The following NEXN variants were observed in gnomAD, a reference collection of about 807,000 sequenced individuals.
NEXN encodes the protein nexilin.
NEXN carries 65 observed loss-of-function variants against 92.6 expected under a neutral mutation model. That is an observed-to-expected ratio of 0.70 (90% confidence interval 0.57 to 0.86). NEXN has a LOEUF of 0.86. Ranked by LOEUF, NEXN falls within the 40% of genes least tolerant of loss-of-function variation. NEXN has a pLI of 0.00. For synonymous variants in NEXN, 254 were observed against 242.5 expected, an observed-to-expected ratio of 1.05 and a Z score of -0.44; for missense variants, 778 against 771.1, an observed-to-expected ratio of 1.01 and a Z score of -0.11.
chr1:77,911,576 G>A (rs187604475), intron 1 of NEXN, among the ~76,000 whole-genome samples: 2 of 150,942 alleles, frequency 1.3e-5, no homozygotes, highest in African/African-American at 2.4e-5. Context: ...TGGGCGACAA[G>A]AGCAAGACTC....
intron 11 of NEXN, among the ~76,000 whole-genome samples, chr1:77,938,064 G>C (rs1205185738): frequency 2.0e-5 from 3 of 152,062 alleles, no homozygotes; most frequent in African/African-American, 7.2e-5. Context: ...ATAGTGACAG[G>C]GTATACAGTA....
chr1:77,931,910 G>A (rs79902353), intron 9 of NEXN: 1 of 152,150 alleles, frequency 6.6e-6, no homozygotes. Context: ...AGAGGGTTAT[G>A]TTATACCGCG....
At chr1:77,941,252 A>T (rs1233355368) in intron 11 of NEXN, among the ~76,000 whole-genome samples, 8 of 152,058 alleles carry the variant, frequency 5.3e-5, no homozygotes, top group African/African-American at 1.9e-4. Flanking sequence ...TCAAGAAACC[A>T]AAAGTCAACA....
intron 11 of NEXN, among the ~76,000 whole-genome samples, chr1:77,940,361 C>T (rs1027709176): frequency 2.0e-5 from 3 of 152,240 alleles, no homozygotes; most frequent in Middle Eastern, 3.4e-3. Context: ...AATGTACCTA[C>T]AGAATACCAT....
At chr1:77,928,373 TG>T (rs1163158775) in intron 8 of NEXN, among the ~76,000 whole-genome samples, 3 of 151,902 alleles carry the variant, frequency 2.0e-5, no homozygotes, top group Non-Finnish European at 4.4e-5. Flanking sequence ...AGAACTTTCT[TG>T]ATCAGCTTTC....
At chr1:77,942,426 T>C (rs768823422) in intron 12 of NEXN, 35 bp from the exon 13 acceptor site, 4 of 1,604,034 alleles carry the variant, frequency 2.5e-6, no homozygotes, top group South Asian at 1.1e-5. Flanking sequence ...GAAAATACTA[T>C]AAATGCCAAC....
chr1:77,916,769 A>G (rs2102089308), intron 2 of NEXN, among the ~76,000 whole-genome samples: 1 of 152,338 alleles, frequency 6.6e-6, no homozygotes. Flanking sequence ...AATTTCATTT[A>G]GAAATCAGCT....
chr1:77,922,903 A>C (rs1649545445), intron 5 of NEXN, among the ~76,000 whole-genome samples: 1 of 151,682 alleles, frequency 6.6e-6, no homozygotes, highest in Non-Finnish European at 1.5e-5. Context: ...CCACAAAATT[A>C]TTCTTAATAA....
At chr1:77,899,880 G>A (rs1647558240) in intron 1 of NEXN, among the ~76,000 whole-genome samples, 1 of 151,992 alleles carries the variant, frequency 6.6e-6, no homozygotes, top group Non-Finnish European at 1.5e-5. Context: ...TAATGCTAAT[G>A]TCCTAATTCA....
intron 10 of NEXN, 142 bp downstream of exon 10, chr1:77,933,621 TCTGCAC>T: frequency 1.5e-6 from 1 of 669,806 alleles, no homozygotes. Flanking sequence ...GGTACAGGCG[TCTGCAC>T]AATTATGTGT....
chr1:77,920,533 A>G (rs796903113), intron 5 of NEXN, among the ~76,000 whole-genome samples: 11 of 149,000 alleles, frequency 7.4e-5, no homozygotes, highest in African/African-American at 2.7e-4. Context: ...AGGCAGGAGG[A>G]CTGCTTGAGC....
intron 8 of NEXN, among the ~76,000 whole-genome samples, chr1:77,927,222 C>A (rs953861167): frequency 1.7e-4 from 26 of 151,970 alleles, no homozygotes; most frequent in African/African-American, 6.3e-4. Context: ...TTGCAGTGAG[C>A]TGAGATCACG....
intron 1 of NEXN, among the ~76,000 whole-genome samples, chr1:77,914,329 G>C (rs1648798415): frequency 6.6e-6 from 1 of 152,002 alleles, no homozygotes; most frequent in African/African-American, 2.4e-5. Context: ...TGTTGATAAT[G>C]GGGGTGACTA....
intron 1 of NEXN, among the ~76,000 whole-genome samples, chr1:77,913,397 A>T (rs1244456478): frequency 6.6e-6 from 1 of 151,516 alleles, no homozygotes; most frequent in African/African-American, 2.4e-5. Context: ...CCTGGGTGAC[A>T]GTGCAAGACT....
intron 1 of NEXN, among the ~76,000 whole-genome samples, chr1:77,896,147 G>A (rs1647239271): frequency 7.8e-6 from 1 of 129,026 alleles, no homozygotes. Context: ...CTCCAGCTTG[G>A]GTGACACAGT....
intron 5 of NEXN, among the ~76,000 whole-genome samples, chr1:77,919,900 CTTT>C (rs1349307592): frequency 7.6e-6 from 1 of 130,872 alleles, no homozygotes; most frequent in South Asian, 2.5e-4. Flanking sequence ...GCACTGGCCT[CTTT>C]TTTTTTTTTT....
chr1:77,933,624 G>C (rs1165318118), intron 10 of NEXN, 145 bp downstream of exon 10: 2 of 657,062 alleles, frequency 3.0e-6, no homozygotes, highest in Non-Finnish European at 5.3e-6. Flanking sequence ...ACAGGCGTCT[G>C]CACAATTATG....
intron 3 of NEXN, 35 bp downstream of exon 3, chr1:77,917,792 T>C: frequency 1.3e-6 from 2 of 1,537,412 alleles, no homozygotes; most frequent in Non-Finnish European, 1.8e-6. Context: ...GTGAAAATAT[T>C]TGTTTGCATT....
In NEXN at chr1:77,918,150, A is replaced by G. The variant is rs1649127294; in HGVS notation, c.324A>G (p.Glu108=). The G allele has an allele frequency of 2.5e-6, 4 of 1,613,952 alleles. No individual in the cohort carries two copies. The highest frequency in any genetic ancestry group is 3.4e-6 in the Non-Finnish European group (4 of 1,179,994). Residue 108 remains glutamate, a synonymous_variant, in exon 5 of 13, where the codon GAA becomes GAG. Transcript: ENST00000334785. ...GAACTGTGAAGGGTAGATTTGCTGA[A>G]ATGGAGAAACAAAGACAAGAGGAAC... ...LTGTVKGRFA[E]MEKQRQEEQR...
Sources: gnomAD v4.1 joint callset for allele counts (sites outside exome capture counted in the v4.1 genomes callset) on GRCh38, gnomAD v4.1.1 for gene constraint, MANE v1.5 for transcripts, NCBI Gene and HGNC (gene_info 2026-07-23, HGNC 2026-07-21) for gene names.